Variants in TENM3 observed in about 807,000 individuals in gnomAD.
TENM3 encodes the protein teneurin transmembrane protein 3, also known as teneurin-3.
TENM3 carries 63 observed loss-of-function variants against 255.1 expected under a neutral mutation model. The ratio of observed to expected loss-of-function variants is 0.25; its 90% CI spans 0.20 to 0.30. The LOEUF is 0.30. Ranked by LOEUF, TENM3 falls within the 10% of genes least tolerant of loss-of-function variation. TENM3 has a pLI of 1.00. For synonymous variants in TENM3, 1,306 were observed against 1,322.3 expected, an observed-to-expected ratio of 0.99 and a Z score of 0.27; for missense variants, 2,929 against 3,461.1, an observed-to-expected ratio of 0.85 and a Z score of 3.86.
intron 22 of TENM3, among the ~76,000 whole-genome samples, chr4:182,765,953 G>A (rs1027074470): frequency 3.3e-5 from 5 of 152,032 alleles, no homozygotes; most frequent in African/African-American, 7.3e-5. Context: ...ATTGCATTTC[G>A]GTCAAACTAG....
chr4:182,624,356 G>A (rs1241691822), intron 4 of TENM3, among the ~76,000 whole-genome samples: 2 of 152,200 alleles, frequency 1.3e-5, no homozygotes, highest in East Asian at 3.8e-4. Context: ...CCATGGGCCT[G>A]CAAACCTGTC....
At chr4:181,705,104 T>C in the TENM3 span, among the ~76,000 whole-genome samples, 1 of 149,990 alleles carries the variant, frequency 6.7e-6, no homozygotes, top group Non-Finnish European at 1.5e-5. Context: ...TCATTGGACA[T>C]AGGGTGGGTA....
the TENM3 span, among the ~76,000 whole-genome samples, chr4:181,890,437 A>T: frequency 6.6e-6 from 1 of 152,182 alleles, no homozygotes; most frequent in Non-Finnish European, 1.5e-5. Flanking sequence ...GAAAAAAAAG[A>T]CTACTAAAAT....
At chr4:182,583,174 C>T (rs2152364843) in intron 3 of TENM3, among the ~76,000 whole-genome samples, 1 of 151,978 alleles carries the variant, frequency 6.6e-6, no homozygotes, top group African/African-American at 2.4e-5. Context: ...GGAGATCTGG[C>T]CCGAGGGAGA....
rs560305794 is a variant in TENM3, at chr4:182,764,649, G to A, written c.4893-8823G>A. ...CAGGAGCAGAACGTGGCAGGCTTTG[G>A]AAAGAACACACAGCTCAGAATGACA... On this transcript the variant is annotated intron_variant, in intron 22 of 27. Transcript: ENST00000511685. Among the ~76,000 whole-genome samples the A allele has an allele frequency of 2.6e-5, 4 of 152,274 alleles. No homozygotes were observed. In the South Asian group the frequency reaches 8.3e-4, roughly 32 times the overall value.
chr4:181,555,453 A>G, the TENM3 span, among the ~76,000 whole-genome samples: 1 of 152,240 alleles, frequency 6.6e-6, no homozygotes, highest in Non-Finnish European at 1.5e-5. Flanking sequence ...AGGTATGATC[A>G]GTTTTAGAAA....
At chr4:182,412,693 G>A (rs563580530) in intron 3 of TENM3, among the ~76,000 whole-genome samples, 6 of 151,594 alleles carry the variant, frequency 4.0e-5, no homozygotes, top group South Asian at 4.2e-4. Flanking sequence ...GTGAAACCCC[G>A]TCTCTACTAA....
the TENM3 span, among the ~76,000 whole-genome samples, chr4:181,620,613 A>G: frequency 4.6e-5 from 7 of 151,460 alleles, no homozygotes; most frequent in African/African-American, 9.7e-5. Context: ...GACTCCTGAC[A>G]TTTGGCAGGG....
the TENM3 span, among the ~76,000 whole-genome samples, chr4:182,066,323 T>C: frequency 6.6e-6 from 1 of 152,156 alleles, no homozygotes; most frequent in Non-Finnish European, 1.5e-5. Flanking sequence ...TCAACTCAAA[T>C]GTTTTCATGT....
At chr4:182,128,323 C>G in the TENM3 span, among the ~76,000 whole-genome samples, 1 of 150,642 alleles carries the variant, frequency 6.6e-6, no homozygotes, top group Admixed American at 6.6e-5. Flanking sequence ...GAGTTTTGTA[C>G]TTGTTTCTTT....
chr4:181,998,606 C>T, the TENM3 span, among the ~76,000 whole-genome samples: 56 of 152,202 alleles, frequency 3.7e-4, no homozygotes, highest in Admixed American at 2.3e-3. Flanking sequence ...TTCTAGGGGA[C>T]TACTTAATTC....
intron 3 of TENM3, among the ~76,000 whole-genome samples, chr4:182,454,087 C>T (rs62337161): frequency 0.06 from 9,050 of 152,060 alleles, 406 homozygotes; most frequent in African/African-American, 0.12. Flanking sequence ...TTTGTGAGGT[C>T]GAAGTCAGAT....
At chr4:182,514,311 A>C (rs1417296009) in intron 3 of TENM3, among the ~76,000 whole-genome samples, 1 of 152,222 alleles carries the variant, frequency 6.6e-6, no homozygotes, top group Non-Finnish European at 1.5e-5. Context: ...AAGAGTAGGG[A>C]AATGGAAGGA....
chr4:181,992,988 TAA>T, the TENM3 span, among the ~76,000 whole-genome samples: 1 of 152,150 alleles, frequency 6.6e-6, no homozygotes, highest in Non-Finnish European at 1.5e-5. Context: ...AAGTATTCAA[TAA>T]GAGTAGACTT....
chr4:181,738,252 A>G, the TENM3 span, among the ~76,000 whole-genome samples: 1 of 152,194 alleles, frequency 6.6e-6, no homozygotes, highest in South Asian at 2.1e-4. Flanking sequence ...TGGTAAATTT[A>G]CAGTGTATAC....
chr4:182,428,795 G>A (rs1271388983), intron 3 of TENM3, among the ~76,000 whole-genome samples: 1 of 151,856 alleles, frequency 6.6e-6, no homozygotes, highest in African/African-American at 2.4e-5. Context: ...ATTTCTCCAA[G>A]AAATAATATA....
intron 3 of TENM3, among the ~76,000 whole-genome samples, chr4:182,599,944 C>T (rs1747666183): frequency 1.3e-5 from 2 of 152,146 alleles, no homozygotes; most frequent in African/African-American, 2.4e-5. Flanking sequence ...AATTCTAGCA[C>T]ATCCAAAGCT....
At chr4:182,200,567 G>A (rs768753491) in intron 1 of TENM3, among the ~76,000 whole-genome samples, 4 of 152,142 alleles carry the variant, frequency 2.6e-5, no homozygotes, top group Non-Finnish European at 4.4e-5. Flanking sequence ...CAGTGTCCTT[G>A]GCTAAGTTAT....
chr4:181,452,290 G>T, the TENM3 span, among the ~76,000 whole-genome samples: 1 of 152,132 alleles, frequency 6.6e-6, no homozygotes, highest in East Asian at 1.9e-4. Flanking sequence ...ATGGGAAATT[G>T]TGAAGTAAAA....
Sources: allele counts gnomAD v4.1 joint callset (sites outside exome capture counted in the v4.1 genomes callset), GRCh38; gene constraint gnomAD v4.1.1; transcripts MANE v1.5; gene names NCBI Gene and HGNC (gene_info 2026-07-23, HGNC 2026-07-21).